Variants in ROPN1L observed in about 807,000 individuals in gnomAD.
ROPN1L encodes the protein ropporin-1-like protein.
ROPN1L carries 23 observed loss-of-function variants against 22.7 expected under a neutral mutation model. The ratio of observed to expected loss-of-function variants is 1.01; its 90% CI spans 0.73 to 1.43. ROPN1L has a LOEUF of 1.43. Ranked by LOEUF, ROPN1L falls within the 40% of genes most tolerant of loss-of-function variation. The pLI is 0.00. For missense variants in ROPN1L, 271 were observed against 291.5 expected, an observed-to-expected ratio of 0.93 and a Z score of 0.51; for synonymous variants, 116 against 117.8, an observed-to-expected ratio of 0.98 and a Z score of 0.10.
At chr5:10,458,563 G>T (rs1442544920) in intron 3 of ROPN1L, among the ~76,000 whole-genome samples, 2 of 48,638 alleles carry the variant, frequency 4.1e-5, no homozygotes, top group Non-Finnish European at 7.3e-5. Context: ...TCCCCCCCAT[G>T]TACACCATCC....
intron 3 of ROPN1L, among the ~76,000 whole-genome samples, chr5:10,458,537 TCCCCCGTGTACACCATCC>T (rs1734907688): frequency 3.0e-5 from 1 of 33,440 alleles, no homozygotes; most frequent in African/African-American, 1.3e-4. Context: ...ATGTACACCA[TCCCCCGTGTACACCATCC>T]CCCCCATGTA....
chr5:10,471,819 C>T (rs1207241309), exon 5 of ROPN1L: 5 of 152,436 alleles, frequency 3.3e-5, no homozygotes, highest in Non-Finnish European at 4.4e-5. Context: ...GGGTCTTGTC[C>T]TGGCTGAGCA....
chr5:10,454,277 C>T (rs1195768730), intron 3 of ROPN1L, among the ~76,000 whole-genome samples: 2 of 152,166 alleles, frequency 1.3e-5, no homozygotes, highest in African/African-American at 4.8e-5. Context: ...GCATGCAGCA[C>T]CACATCCAGC....
downstream of ROPN1L, among the ~76,000 whole-genome samples, chr5:10,469,086 C>T (rs531008704): frequency 3.6e-4 from 55 of 152,026 alleles, no homozygotes; most frequent in Non-Finnish European, 6.6e-4. Context: ...ACCTGGGAGG[C>T]GGAGCTTGCA....
chr5:10,449,441 C>T (rs1741183404), intron 2 of ROPN1L, among the ~76,000 whole-genome samples: 1 of 152,146 alleles, frequency 6.6e-6, no homozygotes, highest in African/African-American at 2.4e-5. Context: ...ATTACTTAAC[C>T]CTGGGAGGTG....
At chr5:10,442,403 C>A in intron 1 of ROPN1L, 105 bp downstream of exon 1, 1 of 1,441,280 alleles carries the variant, frequency 6.9e-7, no homozygotes, top group Non-Finnish European at 9.4e-7. Flanking sequence ...ACTCAGCGTC[C>A]TTAAGAGTAT....
At chr5:10,474,466 A>G (rs1247399207), downstream of ROPN1L, among the ~76,000 whole-genome samples, 1 of 152,252 alleles carries the variant, frequency 6.6e-6, no homozygotes, top group African/African-American at 2.4e-5. Flanking sequence ...TGCTGAGGAC[A>G]TGAGGATGGC....
At chr5:10,447,819 T>C (rs1195527596) in intron 1 of ROPN1L, among the ~76,000 whole-genome samples, 1 of 152,122 alleles carries the variant, frequency 6.6e-6, no homozygotes, top group African/African-American at 2.4e-5. Context: ...AGGTTGAGGC[T>C]ACAGTGAGCC....
intron 4 of ROPN1L, among the ~76,000 whole-genome samples, chr5:10,470,727 G>A (rs991966234): frequency 1.3e-5 from 2 of 152,236 alleles, no homozygotes; most frequent in African/African-American, 2.4e-5. Context: ...TGAATCTCAC[G>A]TAAAGTATTA....
At chr5:10,477,482 G>C in the ROPN1L span, among the ~76,000 whole-genome samples, 1 of 152,222 alleles carries the variant, frequency 6.6e-6, no homozygotes, top group East Asian at 1.9e-4. Context: ...GCTGACATCT[G>C]TTGATGGACA....
intron 4 of ROPN1L, among the ~76,000 whole-genome samples, chr5:10,464,080 C>T (rs1431037047): frequency 6.6e-6 from 1 of 152,214 alleles, no homozygotes; most frequent in Non-Finnish European, 1.5e-5. Flanking sequence ...TGCCCTGCCC[C>T]ACCTGTCCCA....
chr5:10,455,732 A>G (rs1273795234), intron 3 of ROPN1L, among the ~76,000 whole-genome samples: 1 of 125,540 alleles, frequency 8.0e-6, no homozygotes, highest in Non-Finnish European at 1.8e-5. Context: ...CTAGAGGATA[A>G]TAGAATTCGA....
chr5:10,455,603 C>G (rs1347575594), intron 3 of ROPN1L, among the ~76,000 whole-genome samples: 1 of 152,246 alleles, frequency 6.6e-6, no homozygotes, highest in East Asian at 1.9e-4. Context: ...TGTGGCCTCC[C>G]CATCCCTGTC....
downstream of ROPN1L, among the ~76,000 whole-genome samples, chr5:10,472,432 A>T (rs11950550): frequency 2.6e-4 from 40 of 152,240 alleles, no homozygotes; most frequent in African/African-American, 9.6e-4. Context: ...TTGGCACATG[A>T]CCTGCACTTG....
intron 4 of ROPN1L, among the ~76,000 whole-genome samples, chr5:10,462,663 G>A (rs184703237): frequency 7.2e-5 from 11 of 152,330 alleles, no homozygotes; most frequent in Non-Finnish European, 1.5e-4. Context: ...GGAGTCCGAG[G>A]CAGGTGGATC....
At chr5:10,456,580 C>G (rs747895491) in intron 3 of ROPN1L, among the ~76,000 whole-genome samples, 140 of 152,322 alleles carry the variant, frequency 9.2e-4, no homozygotes, top group Non-Finnish European at 1.6e-3. Context: ...ACACAGCAGA[C>G]GGCAGCATGG....
chr5:10,463,495 C>A (rs1735082618), intron 4 of ROPN1L, among the ~76,000 whole-genome samples: 1 of 152,180 alleles, frequency 6.6e-6, no homozygotes, highest in Non-Finnish European at 1.5e-5. Flanking sequence ...CTTCTAGGTG[C>A]AAGGGCAGGA....
rs376609999 is a variant in ROPN1L, at chr5:10,449,461, G to A, written c.256-491G>A. ...TTAACCCTGGGAGGTGGAGGTTGCA[G>A]TGAGCCGAAATCATGCCGCTGCACT... On this transcript the variant is annotated intron_variant, in intron 2 of 4. Transcript: ENST00000274134. Among the ~76,000 whole-genome samples, 18 of 152,312 alleles carry A rather than the reference G, an allele frequency of 1.2e-4. No individual in the cohort carries two copies. The East Asian group carries it at 2.3e-3, about 20-fold the overall frequency.
At position 10,442,014 on chromosome 5, in the gene ROPN1L, C is replaced by G. The variant is rs1353108227; in HGVS notation, c.-154C>G. The G allele has an allele frequency of 4.7e-6, 5 of 1,067,572 alleles. 1 individual carries two copies. The South Asian group carries it at 7.7e-5, about 16-fold the overall frequency. The allele number at this position is 1,067,572 out of a possible 1,614,324, so 66.1% of individuals were successfully genotyped here. On this transcript the variant is annotated 5_prime_UTR_variant, in exon 1 of 5. Coordinates refer to ENST00000274134, the MANE Select transcript of ROPN1L (RefSeq NM_031916.5). ...CCCGCGGAGGAGCGGGTAAGAGCCCCGCGAATCCGGCCCCAACCTCGGGAA... is the reference window on the plus strand; with the variant it reads ...CCCGCGGAGGAGCGGGTAAGAGCCCGGCGAATCCGGCCCCAACCTCGGGAA...
Sources: gnomAD v4.1 joint callset for allele counts (sites outside exome capture counted in the v4.1 genomes callset) on GRCh38, gnomAD v4.1.1 for gene constraint, MANE v1.5 for transcripts, NCBI Gene and HGNC (gene_info 2026-07-23, HGNC 2026-07-21) for gene names.